Variants in NLRC5 observed in about 807,000 individuals in gnomAD.
NLRC5 encodes the protein NLR family CARD domain containing 5, also known as protein NLRC5.
A neutral mutation model predicts 206.9 loss-of-function variants in NLRC5; 114 were observed. The observed-to-expected ratio is 0.55, with a 90% CI of 0.47 to 0.64. NLRC5 has a LOEUF of 0.64. NLRC5 is among the 30% of genes least tolerant of loss of function. The pLI, the probability that NLRC5 is intolerant of heterozygous loss-of-function variation, is 0.00. For synonymous variants in NLRC5, 952 were observed against 962.8 expected (o/e 0.99, Z 0.21); for missense variants, 2,008 against 2,305.5 (o/e 0.87, Z 2.64).
At chr16:57,058,495 G>A (rs1386632165) in intron 28 of NLRC5, 4 of 350,106 alleles carry the variant, frequency 1.1e-5, no homozygotes, top group South Asian at 6.9e-5. Context: ...GGTCCATCCC[G>A]TCCCTGAAAT....
intron 1 of NLRC5, chr16:57,013,971 T>C: frequency 2.4e-6 from 1 of 421,248 alleles, no homozygotes; most frequent in Non-Finnish European, 4.5e-6. Flanking sequence ...ACTAAATCCC[T>C]TAAGGGAAGT....
Position 57,046,655 on chromosome 16 carries a change from CCTT to C in NLRC5, c.3338+18_3338+20del. ...CAGGAGCCTCTGGTACTGTCCCAGC[CCTT>C]CTTGTTTGGGGGTAACCATAATAGG... On this transcript the variant is annotated intron_variant, in intron 22 of 48. Coordinates refer to ENST00000688547, the MANE Select transcript of NLRC5 (RefSeq NM_001384950.1). The C allele has an allele frequency of 6.2e-6, 10 of 1,610,426 alleles. No homozygotes were observed. Among genetic ancestry groups the C allele is most frequent in the Non-Finnish European group, 8.5e-6 (10 of 1,177,188 alleles).
In NLRC5 at chr16:57,078,466, G is replaced by GTTTTTTTTTTTTTTTTTTTT. The variant is rs71383218; in HGVS notation, c.5081+451_5081+470dup. Among the ~76,000 whole-genome samples the GTTTTTTTTTTTTTTTTTTTT allele has an allele frequency of 3.3e-5, 3 of 92,188 alleles. 1 individual carries two copies. Among genetic ancestry groups the GTTTTTTTTTTTTTTTTTTTT allele is most frequent in the African/African-American group, 1.5e-4 (3 of 20,046 alleles). 60.5% of individuals were successfully genotyped at this position (92,188 alleles called of 152,430 possible). ...CAGAGTCCCAGAGTGCTGGGACCTT[G>GTTTTTTTTTTTTTTTTTTTT]TTTTTTTTTTTTTTTTTTTTTTTTA... On this transcript the variant is annotated intron_variant, in intron 43 of 48. Transcript: ENST00000688547.
intron 48 of NLRC5, 54 bp downstream of exon 48, chr16:57,081,664 C>T (rs2069165252): frequency 2.0e-6 from 3 of 1,477,484 alleles, no homozygotes; most frequent in Non-Finnish European, 2.8e-6. Flanking sequence ...CACCAACCCC[C>T]AGATCTAATG....
intron 43 of NLRC5, among the ~76,000 whole-genome samples, 200 bp downstream of exon 43, chr16:57,078,220 G>A (rs1567649996): frequency 1.3e-5 from 2 of 152,210 alleles, no homozygotes; most frequent in Non-Finnish European, 2.9e-5. Context: ...TCCTGGCTCT[G>A]CCACTGGCCC....
rs143158591 is a variant in NLRC5, at chr16:57,051,808, A to G, written c.3506+187A>G. On this transcript the variant is annotated intron_variant, in intron 24 of 48. Coordinates refer to ENST00000688547, the MANE Select transcript of NLRC5 (RefSeq NM_001384950.1). The stretch of plus-strand genomic sequence containing the variant: ...TTACCTGGCACAACTGGGGACTCCA[A>G]TCTGCTTCCAGCTCCACCCTAATAC... Among the ~76,000 whole-genome samples the G allele has an allele frequency of 5.5e-3, 825 of 151,306 alleles. 2 individuals are homozygous for G. The highest frequency in any genetic ancestry group is 7.7e-3 in the Admixed American group (117 of 15,140).
chr16:56,990,739 G>T (rs1303439961), intron 1 of NLRC5: 1 of 152,190 alleles, frequency 6.6e-6, no homozygotes. Flanking sequence ...GAGCCTCATT[G>T]TCCCTTCAAA....
At chr16:57,004,634 G>A (rs2058699700) in intron 1 of NLRC5, 1 of 152,360 alleles carries the variant, frequency 6.6e-6, no homozygotes, top group Admixed American at 6.5e-5. Context: ...GCACGTGCAT[G>A]TGTGTATGAG....
intron 1 of NLRC5, among the ~76,000 whole-genome samples, chr16:56,993,696 AAG>A (rs1188085051): frequency 1.3e-5 from 2 of 152,190 alleles, no homozygotes; most frequent in South Asian, 2.1e-4. Context: ...TCAAATATTT[AAG>A]AGTCACCTGT....
intron 22 of NLRC5, 131 bp from the exon 23 acceptor site, chr16:57,047,414 C>A (rs1379793431): frequency 4.1e-6 from 3 of 736,886 alleles, no homozygotes; most frequent in Non-Finnish European, 6.9e-6. Context: ...GAAGCGAGTG[C>A]CCCACAGGGG....
At chr16:57,013,486 G>T in intron 1 of NLRC5, 1 of 744,810 alleles carries the variant, frequency 1.3e-6, no homozygotes, top group Non-Finnish European at 2.5e-6. Context: ...AGTCATTGAG[G>T]TGAGCACAGA....
chr16:57,037,627 G>A (rs762369609), intron 15 of NLRC5, among the ~76,000 whole-genome samples: 8 of 152,084 alleles, frequency 5.3e-5, no homozygotes, highest in Non-Finnish European at 1.2e-4. Context: ...GGGAGACTAG[G>A]CCAAGGACTT....
chr16:57,043,453 C>T, intron 19 of NLRC5, 62 bp from the exon 20 acceptor site: 1 of 1,275,844 alleles, frequency 7.8e-7, no homozygotes, highest in South Asian at 1.2e-5. Context: ...TGTGCCCTGA[C>T]CACAAAGAGG....
chr16:57,079,500 G>T, intron 45 of NLRC5, 46 bp from the exon 46 acceptor site: 2 of 1,554,266 alleles, frequency 1.3e-6, no homozygotes, highest in South Asian at 2.2e-5. Flanking sequence ...TAGATCCCCT[G>T]ACTCAAACAA....
chr16:57,001,385 A>G (rs2058227766), intron 1 of NLRC5, among the ~76,000 whole-genome samples: 1 of 152,202 alleles, frequency 6.6e-6, no homozygotes, highest in South Asian at 2.1e-4. Flanking sequence ...CCCAAGACCT[A>G]ATGGGACCTC....
At chr16:57,068,902 A>C (rs561839499) in intron 36 of NLRC5, among the ~76,000 whole-genome samples, 10 of 152,226 alleles carry the variant, frequency 6.6e-5, no homozygotes, top group Non-Finnish European at 1.3e-4. Flanking sequence ...ATTTTATAGA[A>C]TGTCCTTCCA....
chr16:57,030,653 T>A (rs58891447), intron 10 of NLRC5, among the ~76,000 whole-genome samples: 1 of 151,020 alleles, frequency 6.6e-6, no homozygotes, highest in Middle Eastern at 3.2e-3. Context: ...GATGGATGGA[T>A]GGATGGATGG....
intron 4 of NLRC5, among the ~76,000 whole-genome samples, 164 bp from the exon 5 acceptor site, chr16:57,023,621 G>A (rs1380000184): frequency 6.6e-6 from 1 of 152,182 alleles, no homozygotes; most frequent in African/African-American, 2.4e-5. Flanking sequence ...AGAAGCTGGT[G>A]TTGACCCAGC....
chr16:57,059,254 C>T, intron 29 of NLRC5, 193 bp downstream of exon 29: 1 of 1,467,302 alleles, frequency 6.8e-7, no homozygotes, highest in Non-Finnish European at 9.0e-7. Context: ...TGCCCGGGTG[C>T]CATGGGGACC....
Sources: gnomAD v4.1 joint callset for allele counts (sites outside exome capture counted in the v4.1 genomes callset) on GRCh38, gnomAD v4.1.1 for gene constraint, MANE v1.5 for transcripts, NCBI Gene and HGNC (gene_info 2026-07-23, HGNC 2026-07-21) for gene names.